The following NCAPH2 variants were observed in gnomAD, a reference collection of about 807,000 sequenced individuals.
NCAPH2 encodes the protein condensin-2 complex subunit H2.
Under a neutral mutation model 88.6 loss-of-function variants are expected in NCAPH2, and 56 were observed. The observed-to-expected ratio is 0.63, with a 90% CI of 0.51 to 0.79. The LOEUF (loss-of-function observed/expected upper bound fraction) is 0.79. Among genes scored for constraint, NCAPH2 ranks in the 30% least tolerant of loss-of-function variants. The probability of loss-of-function intolerance (pLI) is 0.00; values close to 1 mark genes in which losing one functional copy is unlikely to be tolerated. For synonymous variants in NCAPH2, 378 were observed against 313.6 expected, an observed-to-expected ratio of 1.21 and a Z score of -2.17; for missense variants, 794 against 792.0, an observed-to-expected ratio of 1.00 and a Z score of -0.03.
Position 50,524,276 on chromosome 22 carries a change from T to A in NCAPH2, c.*901T>A. 6 of 1,603,776 alleles carry A rather than the reference T, an allele frequency of 3.7e-6. No homozygotes were observed. Among genetic ancestry groups the A allele is most frequent in the Non-Finnish European group, 5.1e-6 (6 of 1,179,730 alleles). On this transcript the variant is annotated 3_prime_UTR_variant, in exon 20 of 20. Transcript: ENST00000420993. Reference sequence around the variant, plus strand: ...CCCTGGGGCTGGCCCTGCCCACCTGTCTCTGCAGGGCCCTGCCTTGACAAA... The same window carrying A: ...CCCTGGGGCTGGCCCTGCCCACCTGACTCTGCAGGGCCCTGCCTTGACAAA...
intron 1 of NCAPH2, chr22:50,515,798 T>C: frequency 7.7e-7 from 1 of 1,301,302 alleles, no homozygotes; most frequent in Middle Eastern, 2.1e-4. Flanking sequence ...GTAAAGTGTT[T>C]GGGGACATTT....
Position 50,517,444 on chromosome 22 carries a change from A to T in NCAPH2, c.228A>T (p.Ser76=), listed in dbSNP as rs749654643. The T allele has an allele frequency of 1.2e-6, 2 of 1,613,540 alleles. No homozygotes were observed. The highest frequency in any genetic ancestry group is 2.7e-5 in the African/African-American group (2 of 74,818). The change falls in exon 3 of 20, where the codon TCA becomes TCT. Residue 76 remains serine (S), a synonymous_variant. Coordinates refer to ENST00000420993, the MANE Select transcript of NCAPH2 (RefSeq NM_152299.4). ...VYSKKVEYLY[S]LVYQALDFIS... is the part of the protein sequence containing the mutation. ...GTCACCAGGTGGAATACCTCTACTCACTCGTCTACCAGGCCCTTGATTTCA... is the reference window on the plus strand; with the variant it reads ...GTCACCAGGTGGAATACCTCTACTCTCTCGTCTACCAGGCCCTTGATTTCA...
intron 9 of NCAPH2, among the ~76,000 whole-genome samples, chr22:50,520,122 G>C (rs2069045359): frequency 6.6e-6 from 1 of 152,120 alleles, no homozygotes. Flanking sequence ...TGCCCGTCTT[G>C]GCCTCCCAAA....
In NCAPH2 at chr22:50,508,227, T is replaced by C. The variant is rs1401149884; in HGVS notation, c.-111T>C. ...ATGCGCGCGACGCCGCGCCTACGCA[T>C]TTTCCTGGGCGGGAACAGCAAAATG... On this transcript the variant is annotated 5_prime_UTR_variant, in exon 1 of 20. Coordinates refer to ENST00000420993, the MANE Select transcript of NCAPH2 (RefSeq NM_152299.4). 1.2e-6 allele frequency: 1 copy of C among 830,182 alleles called. No individual in the cohort carries two copies. Among genetic ancestry groups the C allele is most frequent in the Non-Finnish European group, 1.8e-6 (1 of 560,612 alleles). The allele number at this position is 830,182 out of a possible 1,614,324, so 51.4% of individuals were successfully genotyped here.
chr22:50,523,335 G>A lies in NCAPH2; in HGVS notation c.1778G>A (p.Arg593His), dbSNP rs779140089. 6 of 1,570,262 alleles carry A rather than the reference G, an allele frequency of 3.8e-6. No homozygotes were observed. Among genetic ancestry groups the A allele is most frequent in the East Asian group, 2.4e-5 (1 of 42,242 alleles). ...RLLTHQRAHKRFQTYAAPSMA... is the reference protein window; with the variant it reads ...RLLTHQRAHKHFQTYAAPSMA... ...CTCACGCACCAGCGAGCGCACAAGC[G>A]CTTCCAGACCTACGCTGCCCCCTCC... The change falls in exon 20 of 20, where the codon CGC becomes CAC. Residue 593 changes from arginine to histidine, a missense_variant. Coordinates refer to ENST00000420993, the MANE Select transcript of NCAPH2 (RefSeq NM_152299.4).
chr22:50,512,546 T>G (rs2068813499), intron 1 of NCAPH2, among the ~76,000 whole-genome samples: 1 of 87,696 alleles, frequency 1.1e-5, no homozygotes, highest in South Asian at 3.7e-4. Context: ...GTCCTTTGTT[T>G]TTTTTTTTTT....
At chr22:50,521,468 G>A (rs371904210) in intron 10 of NCAPH2, 75 bp from the exon 11 acceptor site, 11 of 1,480,602 alleles carry the variant, frequency 7.4e-6, no homozygotes, top group Admixed American at 5.1e-5. Flanking sequence ...GGGTGGCTGT[G>A]CATCCCCTAC....
Position 50,523,685 on chromosome 22 carries a change from G to A in NCAPH2, c.*310G>A, listed in dbSNP as rs760717208. ...GAGATCTGCTCAGCCGATCTGCTCC[G>A]GCCGTAGTAATCCGTGAAGAGGCCG... On this transcript the variant is annotated 3_prime_UTR_variant, in exon 20 of 20. Coordinates refer to ENST00000420993, the MANE Select transcript of NCAPH2 (RefSeq NM_152299.4). 1.9e-5 allele frequency: 30 copies of A among 1,614,026 alleles called. No homozygotes were observed. The highest frequency in any genetic ancestry group is 1.7e-4 in the Admixed American group (10 of 60,014).
chr22:50,512,585 C>T (rs535583439), intron 1 of NCAPH2, among the ~76,000 whole-genome samples: 2 of 148,298 alleles, frequency 1.3e-5, no homozygotes, highest in African/African-American at 4.9e-5. Context: ...GGTTCTTGCC[C>T]TGTTGCCCAG....
chr22:50,519,051 C>T (rs1465760218), intron 8 of NCAPH2, 139 bp from the exon 9 acceptor site: 6 of 783,800 alleles, frequency 7.7e-6, no homozygotes, highest in East Asian at 2.7e-5. Flanking sequence ...AGGAGCACGA[C>T]GAGGATGGTG....
chr22:50,519,048 C>A, intron 8 of NCAPH2, 142 bp from the exon 9 acceptor site: 8 of 769,020 alleles, frequency 1.0e-5, no homozygotes, highest in African/African-American at 1.8e-5. Flanking sequence ...CACAGGAGCA[C>A]GACGAGGATG....
chr22:50,522,329 C>T lies in NCAPH2; in HGVS notation c.1234-14C>T. On this transcript the variant is annotated splice_polypyrimidine_tract_variant and intron_variant, in intron 14 of 19. Coordinates refer to ENST00000420993, the MANE Select transcript of NCAPH2 (RefSeq NM_152299.4). ...GAGGTGACAGTGCCCCTCACAGATG[C>T]TTTCTCTGGACAGGTGGCTGAGCAG... 6.2e-7 allele frequency: 1 copy of T among 1,603,620 alleles called. No homozygotes were observed. The highest frequency in any genetic ancestry group is 8.5e-7 in the Non-Finnish European group (1 of 1,174,164).
In NCAPH2 at chr22:50,524,263, C is replaced by T. The variant is rs762368534; in HGVS notation, c.*888C>T. ...TCGAAGCCCAGGGCCCTGGGGCTGG[C>T]CCTGCCCACCTGTCTCTGCAGGGCC... is the stretch of plus-strand genomic sequence containing the variant. On this transcript the variant is annotated 3_prime_UTR_variant, in exon 20 of 20. Coordinates refer to ENST00000420993, the MANE Select transcript of NCAPH2 (RefSeq NM_152299.4). The T allele has an allele frequency of 1.9e-6, 3 of 1,604,516 alleles. No individual in the cohort carries two copies. The highest frequency in any genetic ancestry group is 2.5e-6 in the Non-Finnish European group (3 of 1,179,818).
At position 50,523,182 on chromosome 22, in the gene NCAPH2, T is replaced by C. The variant is rs772023706; in HGVS notation, c.1677+16T>C. 49 of 1,613,256 alleles carry C rather than the reference T, an allele frequency of 3.0e-5. No individual in the cohort carries two copies. Among genetic ancestry groups the C allele is most frequent in the Non-Finnish European group, 4.1e-5 (48 of 1,179,858 alleles). On this transcript the variant is annotated intron_variant, in intron 19 of 19. Transcript: ENST00000420993. The stretch of plus-strand genomic sequence containing the variant: ...CCTGCAGCTGGTGAGTAGCCTGGGA[T>C]ACGTGGGAGGGGGAGACGGTCCCCA...
intron 1 of NCAPH2, among the ~76,000 whole-genome samples, chr22:50,508,903 G>T (rs1366488348): frequency 6.6e-6 from 1 of 152,134 alleles, no homozygotes; most frequent in African/African-American, 2.4e-5. Flanking sequence ...ATGTTTGACA[G>T]CCCTGTCTAG....
In NCAPH2 at chr22:50,523,342, G is replaced by C. The variant is rs1411611415; in HGVS notation, c.1785G>C (p.Gln595His). 6.4e-7 allele frequency: 1 copy of C among 1,561,568 alleles called. No homozygotes were observed. The highest frequency in any genetic ancestry group is 2.4e-5 in the East Asian group (1 of 41,676). The part of the protein sequence containing the change: ...LTHQRAHKRF[Q>H]TYAAPSMAQP ...ACCAGCGAGCGCACAAGCGCTTCCA[G>C]ACCTACGCTGCCCCCTCCATGGCCC... The change falls in exon 20 of 20, where the codon CAG (glutamine) becomes CAC (histidine). Residue 595 changes from glutamine to histidine, a missense_variant. By Grantham distance (24) the Gln-to-His change is conservative. This residue lies in a region of NCAPH2 where 735 missense variants were observed against 696.3 expected (regional missense o/e 1.06). Coordinates refer to ENST00000420993, the MANE Select transcript of NCAPH2 (RefSeq NM_152299.4).
intron 1 of NCAPH2, chr22:50,515,773 G>A (rs2068904177): frequency 7.7e-7 from 1 of 1,302,116 alleles, no homozygotes; most frequent in Non-Finnish European, 1.0e-6. Context: ...GGAAGATGTT[G>A]GGTAAAGTAT....
chr22:50,515,976 CAG>C (rs1297319052), intron 1 of NCAPH2, among the ~76,000 whole-genome samples: 1 of 149,754 alleles, frequency 6.7e-6, no homozygotes, highest in Non-Finnish European at 1.5e-5. Context: ...TAAGGGGTGA[CAG>C]AGGAGCTGGG....
chr22:50,521,205 C>G (rs1452551895), intron 10 of NCAPH2, among the ~76,000 whole-genome samples, 169 bp downstream of exon 10: 3 of 152,236 alleles, frequency 2.0e-5, no homozygotes, highest in African/African-American at 7.2e-5. Context: ...CTCCCACCCT[C>G]TCTCTAGTGT....
Sources: allele counts gnomAD v4.1 joint callset (sites outside exome capture counted in the v4.1 genomes callset), GRCh38; gene constraint gnomAD v4.1.1; regional missense constraint gnomAD v4.1.1; transcripts MANE v1.5; gene names NCBI Gene and HGNC (gene_info 2026-07-23, HGNC 2026-07-21).